TAF2: variants seen among roughly 807,000 people sequenced by gnomAD.
TAF2 encodes the protein TATA-box binding protein associated factor 2.
TAF2 carries 61 observed loss-of-function variants against 138.5 expected under a neutral mutation model. The ratio of observed to expected loss-of-function variants is 0.44; its 90% CI spans 0.36 to 0.54. The LOEUF (loss-of-function observed/expected upper bound fraction) is 0.54. Among genes scored for constraint, TAF2 ranks in the 20% least tolerant of loss-of-function variants. The pLI, the probability that TAF2 is intolerant of heterozygous loss-of-function variation, is 0.00. For synonymous variants in TAF2, 475 were observed against 469.9 expected (o/e 1.01, Z -0.14); for missense variants, 1,090 against 1,427.9 (o/e 0.76, Z 3.81).
At chr8:119,753,052 AT>A (rs1820461265) in intron 22 of TAF2, among the ~76,000 whole-genome samples, 1 of 152,166 alleles carries the variant, frequency 6.6e-6, no homozygotes. Context: ...CCTCATTACC[AT>A]TTCTTAAAAC....
rs371823307 is a variant in TAF2 at position 119,829,517 on chromosome 8, TTG to T, written c.138+2158_138+2159del. On this transcript the variant is annotated intron_variant, in intron 2 of 25. Transcript: ENST00000378164. ...ACTCCCTTCATTTCCCTCAATTAAC[TTG>T]TGTGTGTGTGTGAGTGTGTGTGTAT... Among the ~76,000 whole-genome samples, 8 of 151,538 alleles carry T rather than the reference TTG, an allele frequency of 5.3e-5. No individual in the cohort carries two copies. The East Asian group carries it at 5.8e-4, about 11-fold the overall frequency.
chr8:119,766,824 ACT>A (rs113681496), intron 18 of TAF2, among the ~76,000 whole-genome samples: 1,672 of 152,084 alleles, frequency 0.011, 32 homozygotes, highest in African/African-American at 0.038. Context: ...GGAGAGCAAG[ACT>A]CTCTCTCAAA....
intron 5 of TAF2, among the ~76,000 whole-genome samples, chr8:119,802,605 G>A (rs1270810528): frequency 6.6e-6 from 1 of 152,132 alleles, no homozygotes; most frequent in Non-Finnish European, 1.5e-5. Flanking sequence ...CTGGTTTAGA[G>A]AAGTTATTAT....
At chr8:119,775,625 C>G (rs1242990002) in intron 18 of TAF2, among the ~76,000 whole-genome samples, 3 of 151,738 alleles carry the variant, frequency 2.0e-5, no homozygotes, top group Non-Finnish European at 4.4e-5. Flanking sequence ...ATCGCTTGAA[C>G]CTGGGAGGTG....
At chr8:119,825,214 T>G (rs1450175276) in intron 2 of TAF2, among the ~76,000 whole-genome samples, 1 of 152,254 alleles carries the variant, frequency 6.6e-6, no homozygotes, top group African/African-American at 2.4e-5. Context: ...GAGATCATTT[T>G]GGAGCTTTAA....
intron 9 of TAF2, among the ~76,000 whole-genome samples, chr8:119,795,279 G>C (rs1220493791): frequency 6.6e-6 from 1 of 152,082 alleles, no homozygotes; most frequent in Non-Finnish European, 1.5e-5. Flanking sequence ...AAGGAGCTGG[G>C]ACATACCTAA....
chr8:119,824,607 C>T (rs760008304), intron 2 of TAF2, among the ~76,000 whole-genome samples: 1 of 152,130 alleles, frequency 6.6e-6, no homozygotes, highest in Non-Finnish European at 1.5e-5. Context: ...GGCCCGGAGG[C>T]CTAGGAGGAA....
rs370745519 is a variant in TAF2, at chr8:119,788,476, G to C, written c.1684-29C>G. The C allele has an allele frequency of 5.2e-6, 8 of 1,551,094 alleles. No individual in the cohort carries two copies. In the African/African-American group the frequency reaches 9.5e-5, roughly 18 times the overall value. Reference sequence around the variant, plus strand: ...TTAAAAAAAAAACGTACTGTTCAGAGATGTGATTTAAAAAATACCAATATG... The same window carrying C: ...TTAAAAAAAAAACGTACTGTTCAGACATGTGATTTAAAAAATACCAATATG... On this transcript the variant is annotated intron_variant, in intron 13 of 25. Coordinates refer to ENST00000378164, the MANE Select transcript of TAF2 (RefSeq NM_003184.4).
intron 2 of TAF2, among the ~76,000 whole-genome samples, chr8:119,821,591 C>T (rs1427293085): frequency 2.6e-5 from 4 of 152,180 alleles, no homozygotes; most frequent in Non-Finnish European, 1.5e-5. Context: ...AGTGTAGTGT[C>T]ACCGTGAAAA....
intron 23 of TAF2, 61 bp from the exon 24 acceptor site, chr8:119,744,454 T>C (rs1819814484): frequency 7.0e-7 from 1 of 1,435,356 alleles, no homozygotes; most frequent in African/African-American, 1.4e-5. Flanking sequence ...TATGTTTGGA[T>C]ATTAGCTCTT....
chr8:119,807,483 G>A (rs568956561), intron 3 of TAF2, among the ~76,000 whole-genome samples: 133 of 152,268 alleles, frequency 8.7e-4, no homozygotes, highest in African/African-American at 3.2e-3. Flanking sequence ...TACGGAATGG[G>A]AAGGGCAAGA....
chr8:119,821,735 AG>A (rs1825816506), intron 2 of TAF2, among the ~76,000 whole-genome samples: 1 of 152,202 alleles, frequency 6.6e-6, no homozygotes, highest in Non-Finnish European at 1.5e-5. Context: ...TTGGCCTATT[AG>A]TGTTATTATG....
chr8:119,826,284 A>C (rs1826095590), intron 2 of TAF2, among the ~76,000 whole-genome samples: 1 of 151,774 alleles, frequency 6.6e-6, no homozygotes, highest in Non-Finnish European at 1.5e-5. Flanking sequence ...ACAAGAAACA[A>C]ACAAACAAAA....
At chr8:119,830,138 T>C (rs1376395039) in intron 2 of TAF2, among the ~76,000 whole-genome samples, 1 of 151,938 alleles carries the variant, frequency 6.6e-6, no homozygotes, top group Non-Finnish European at 1.5e-5. Context: ...GACCTCATGA[T>C]CCACCCGCCT....
intron 6 of TAF2, among the ~76,000 whole-genome samples, chr8:119,799,411 G>GT (rs573023615): frequency 2.0e-4 from 30 of 152,062 alleles, no homozygotes; most frequent in Middle Eastern, 3.4e-3. Context: ...GTGGTGTTTG[G>GT]TTTTTTGTCC....
chr8:119,758,216 A>G, intron 20 of TAF2, 74 bp from the exon 21 acceptor site: 1 of 1,305,476 alleles, frequency 7.7e-7, no homozygotes, highest in South Asian at 1.2e-5. Context: ...ACAAGCAGGG[A>G]GTTTACATTT....
chr8:119,748,209 CAAA>C (rs1291297752), intron 22 of TAF2, among the ~76,000 whole-genome samples: 2 of 151,442 alleles, frequency 1.3e-5, no homozygotes, highest in African/African-American at 4.9e-5. Flanking sequence ...ACTGTTGTTT[CAAA>C]AGAGTACCAC....
intron 7 of TAF2, 115 bp from the exon 8 acceptor site, chr8:119,797,218 C>T (rs1823890399): frequency 1.3e-6 from 1 of 786,516 alleles, no homozygotes; most frequent in African/African-American, 1.8e-5. Context: ...AAAAATTCTC[C>T]CACCTTTCTA....
chr8:119,819,542 A>C (rs1440738210), intron 2 of TAF2, 36 bp from the exon 3 acceptor site: 2 of 1,523,970 alleles, frequency 1.3e-6, no homozygotes, highest in Non-Finnish European at 1.8e-6. Flanking sequence ...CATTATAAAG[A>C]CTGGTATGTT....
Sources: allele counts gnomAD v4.1 joint callset (sites outside exome capture counted in the v4.1 genomes callset), GRCh38; gene constraint gnomAD v4.1.1; transcripts MANE v1.5; gene names NCBI Gene and HGNC (gene_info 2026-07-23, HGNC 2026-07-21).